STARD3NL: variants seen among roughly 807,000 people sequenced by gnomAD.
STARD3NL encodes STARD3 N-terminal-like protein.
STARD3NL carries 17 observed loss-of-function variants against 30.9 expected under a neutral mutation model. The ratio of observed to expected loss-of-function variants is 0.55; its 90% CI spans 0.38 to 0.82. The LOEUF (loss-of-function observed/expected upper bound fraction) is 0.82, where lower values mean the gene tolerates loss of function less well. Ranked by LOEUF, STARD3NL falls within the 40% of genes least tolerant of loss-of-function variation. The pLI, the probability that STARD3NL is intolerant of heterozygous loss-of-function variation, is 0.00. For missense variants in STARD3NL, 234 were observed against 277.6 expected (o/e 0.84, Z 1.12); for synonymous variants, 112 against 100.5 (o/e 1.11, Z -0.69).
At chr7:38,224,641 C>G (rs1239954180) in intron 7 of STARD3NL, among the ~76,000 whole-genome samples, 1 of 152,198 alleles carries the variant, frequency 6.6e-6, no homozygotes, top group Non-Finnish European at 1.5e-5. Context: ...GCACTGCCCA[C>G]CTGGTAGTCA....
intron 1 of STARD3NL, among the ~76,000 whole-genome samples, chr7:38,190,023 T>C (rs1333770120): frequency 6.6e-6 from 1 of 152,224 alleles, no homozygotes; most frequent in Admixed American, 6.5e-5. Context: ...AAAATTTGCC[T>C]TTGCTTTCTT....
At chr7:38,194,554 A>G (rs1442507123) in intron 1 of STARD3NL, among the ~76,000 whole-genome samples, 1 of 152,090 alleles carries the variant, frequency 6.6e-6, no homozygotes, top group Non-Finnish European at 1.5e-5. Flanking sequence ...AATTACTTTA[A>G]GGTAGTGATT....
intron 1 of STARD3NL, among the ~76,000 whole-genome samples, chr7:38,206,589 A>T (rs1785499993): frequency 6.6e-6 from 1 of 152,124 alleles, no homozygotes; most frequent in Admixed American, 6.5e-5. Context: ...ATCTTCTGTA[A>T]TTATTGGTCA....
At chr7:38,186,821 C>A (rs1260231192) in intron 1 of STARD3NL, among the ~76,000 whole-genome samples, 2 of 152,020 alleles carry the variant, frequency 1.3e-5, no homozygotes. Context: ...CAAAATGTAT[C>A]CCTGTCATTA....
intron 1 of STARD3NL, among the ~76,000 whole-genome samples, chr7:38,204,143 C>T (rs1451892326): frequency 1.2e-4 from 19 of 152,202 alleles, no homozygotes; most frequent in African/African-American, 2.9e-4. Context: ...ACCTAATAGA[C>T]GTCTACAGAA....
At chr7:38,195,819 A>C (rs1403441058) in intron 1 of STARD3NL, among the ~76,000 whole-genome samples, 1 of 152,224 alleles carries the variant, frequency 6.6e-6, no homozygotes, top group Non-Finnish European at 1.5e-5. Flanking sequence ...TATCTCTAGA[A>C]GTTCCCAAAG....
intron 1 of STARD3NL, among the ~76,000 whole-genome samples, chr7:38,185,447 T>C (rs1383469533): frequency 6.6e-6 from 1 of 152,206 alleles, no homozygotes; most frequent in African/African-American, 2.4e-5. Flanking sequence ...TAGATGTGAA[T>C]GGCACACCTT....
chr7:38,225,010 A>G (rs951195224), intron 7 of STARD3NL, among the ~76,000 whole-genome samples: 3 of 152,188 alleles, frequency 2.0e-5, no homozygotes, highest in Non-Finnish European at 2.9e-5. Flanking sequence ...ATATTCACCA[A>G]TGCTTAGTAT....
intron 2 of STARD3NL, among the ~76,000 whole-genome samples, chr7:38,212,709 A>G (rs1160034817): frequency 6.6e-6 from 1 of 152,124 alleles, no homozygotes; most frequent in Admixed American, 6.5e-5. Context: ...AGGCGGTGGG[A>G]ATAGGAAGGA....
intron 7 of STARD3NL, among the ~76,000 whole-genome samples, chr7:38,222,397 A>G (rs1237754271): frequency 6.6e-6 from 1 of 152,266 alleles, no homozygotes. Flanking sequence ...AGTAAAAACT[A>G]GAATTTAGTA....
chr7:38,186,803 G>A (rs960124079), intron 1 of STARD3NL, among the ~76,000 whole-genome samples: 2 of 152,082 alleles, frequency 1.3e-5, no homozygotes, highest in South Asian at 2.1e-4. Context: ...ACCTAATGAC[G>A]CATTTCTCAA....
At chr7:38,182,856 C>T (rs1023385855) in intron 1 of STARD3NL, among the ~76,000 whole-genome samples, 23 of 152,134 alleles carry the variant, frequency 1.5e-4, no homozygotes, top group African/African-American at 5.6e-4. Context: ...GTGAGACTAG[C>T]GAGCATCCTC....
rs569226450 is a variant in STARD3NL at position 38,214,639 on chromosome 7, A to T, written c.303+205A>T. On this transcript the variant is annotated intron_variant, in intron 3 of 8. Coordinates refer to ENST00000009041, the MANE Select transcript of STARD3NL (RefSeq NM_032016.4). ...ATCATCTCAAGGAAATAAAAGATTA[A>T]TGACAGATAAGGGAGGGCAACAGAA... 2.0e-5 allele frequency among the ~76,000 whole-genome samples: 3 copies of T among 152,326 alleles called. No homozygotes were observed. The East Asian group carries it at 5.8e-4, about 29-fold the overall frequency.
chr7:38,190,244 A>C (rs1049161337), intron 1 of STARD3NL, among the ~76,000 whole-genome samples: 3 of 152,190 alleles, frequency 2.0e-5, no homozygotes, highest in African/African-American at 7.2e-5. Flanking sequence ...AGATTTCATC[A>C]TGCCACTCAT....
At chr7:38,197,308 C>A (rs1784971681) in intron 1 of STARD3NL, among the ~76,000 whole-genome samples, 1 of 151,514 alleles carries the variant, frequency 6.6e-6, no homozygotes, top group Non-Finnish European at 1.5e-5. Flanking sequence ...TCACTGCAGG[C>A]TGGAACTTCT....
In STARD3NL at chr7:38,220,943, A is replaced by AAAAAG. The variant is rs139671679; in HGVS notation, c.649+1311_649+1315dup. Among the ~76,000 whole-genome samples the AAAAAG allele has an allele frequency of 4.9e-4, 74 of 151,090 alleles. No homozygotes were observed. The Middle Eastern group carries it at 0.014, about 28-fold the overall frequency. ...ACATAGGGAGACCTTGTCTCTATTA[A>AAAAAG]AAAAGAAAAGAAAAGAAAAGAAAAG... On this transcript the variant is annotated intron_variant, in intron 7 of 8. Transcript: ENST00000009041.
At position 38,182,321 on chromosome 7, in the gene STARD3NL, C is replaced by T. The variant is rs144487867; in HGVS notation, c.-59+3901C>T. On this transcript the variant is annotated intron_variant, in intron 1 of 8. Coordinates refer to ENST00000009041, the MANE Select transcript of STARD3NL (RefSeq NM_032016.4). ...TTATCAAGGGGTCCTTTGAGAGGAA[C>T]TCATGTCTTTGGGCTATAAATGTTG... 2.2e-4 allele frequency among the ~76,000 whole-genome samples: 34 copies of T among 152,260 alleles called. No homozygotes were observed. The East Asian group carries it at 6.4e-3, about 29-fold the overall frequency.
intron 2 of STARD3NL, among the ~76,000 whole-genome samples, chr7:38,213,415 A>G (rs1359289815): frequency 2.0e-5 from 3 of 152,198 alleles, no homozygotes; most frequent in South Asian, 4.1e-4. Context: ...ACAAATACAA[A>G]TATGTGAAAT....
intron 6 of STARD3NL, among the ~76,000 whole-genome samples, chr7:38,218,539 CTG>C (rs1303483650): frequency 6.6e-6 from 1 of 152,172 alleles, no homozygotes; most frequent in Non-Finnish European, 1.5e-5. Context: ...ATTACTATGA[CTG>C]AGGCTTGAAT....
Sources: gnomAD v4.1 joint callset for allele counts (sites outside exome capture counted in the v4.1 genomes callset) on GRCh38, gnomAD v4.1.1 for gene constraint, MANE v1.5 for transcripts, NCBI Gene and HGNC (gene_info 2026-07-23, HGNC 2026-07-21) for gene names.